Variants in NDUFA10 observed in about 807,000 individuals in gnomAD.
NDUFA10 encodes the protein NADH:ubiquinone oxidoreductase subunit A10, also known as NADH dehydrogenase [ubiquinone] 1 alpha subcomplex subunit 10, mitochondrial.
In NDUFA10, 40 loss-of-function variants were observed where a neutral mutation model predicts 47.8. The ratio of observed to expected loss-of-function variants is 0.84; its 90% confidence interval spans 0.65 to 1.09. The LOEUF is 1.09. Among genes scored for constraint, NDUFA10 ranks in the 50% least tolerant of loss-of-function variants. The pLI, the probability that NDUFA10 is intolerant of heterozygous loss-of-function variation, is 0.00. For synonymous variants in NDUFA10, 183 were observed against 172.2 expected, an observed-to-expected ratio of 1.06 and a Z score of -0.49; for missense variants, 413 against 451.1, an observed-to-expected ratio of 0.92 and a Z score of 0.76.
chr2:239,957,097 C>T (rs778200761), downstream of NDUFA10, among the ~76,000 whole-genome samples: 3 of 152,212 alleles, frequency 2.0e-5, no homozygotes, highest in Non-Finnish European at 4.4e-5. Flanking sequence ...GCTCAGACAC[C>T]CCCCTCCACT....
intron 4 of NDUFA10, chr2:240,017,903 A>G: frequency 6.4e-7 from 1 of 1,563,452 alleles, no homozygotes; most frequent in Non-Finnish European, 8.7e-7. Flanking sequence ...CAGCCACCCC[A>G]GTCTACAGAT....
At chr2:239,926,427 T>C (rs929101814) in intron 4 of NDUFA10, among the ~76,000 whole-genome samples, 2 of 152,236 alleles carry the variant, frequency 1.3e-5, no homozygotes, top group African/African-American at 4.8e-5. Flanking sequence ...GTAGCCAGCA[T>C]ATGTCATAGC....
At chr2:239,969,747 C>G in intron 9 of NDUFA10, 3 of 471,456 alleles carry the variant, frequency 6.4e-6, no homozygotes, top group South Asian at 4.6e-5. Flanking sequence ...CTCTTGGCTT[C>G]TGATTCTTGG....
At chr2:240,000,997 T>G (rs1696687158) in intron 8 of NDUFA10, among the ~76,000 whole-genome samples, 1 of 152,256 alleles carries the variant, frequency 6.6e-6, no homozygotes, top group African/African-American at 2.4e-5. Context: ...AAAGCAGTGC[T>G]AAGCCCTGTG....
chr2:239,979,879 G>A (rs1287111875), intron 9 of NDUFA10, among the ~76,000 whole-genome samples: 1 of 152,034 alleles, frequency 6.6e-6, no homozygotes, highest in African/African-American at 2.4e-5. Flanking sequence ...CCCTGCTCAA[G>A]CTCACCCCAC....
At chr2:239,990,243 T>G (rs992771043) in intron 8 of NDUFA10, 61 bp from the exon 9 acceptor site, 1 of 1,365,142 alleles carries the variant, frequency 7.3e-7, no homozygotes, top group Admixed American at 1.7e-5. Flanking sequence ...ATAAAAGAAG[T>G]GTAAGTCCGA....
chr2:239,952,164 G>C (rs530891350), intron 4 of NDUFA10, among the ~76,000 whole-genome samples: 2 of 152,202 alleles, frequency 1.3e-5, no homozygotes, highest in Non-Finnish European at 2.9e-5. Flanking sequence ...TCCTGGAATG[G>C]GGGCTTGGTG....
intron 4 of NDUFA10, among the ~76,000 whole-genome samples, chr2:239,950,121 C>T (rs66958587): frequency 0.41 from 62,941 of 152,024 alleles, 13,214 homozygotes; most frequent in Admixed American, 0.46. Context: ...AGTGGGCTCA[C>T]GAAGTGGTGG....
rs1252134538 is a variant in NDUFA10 at position 239,971,814 on chromosome 2, A to G, written c.1000-10628T>C. Among the ~76,000 whole-genome samples, 3 of 152,230 alleles carry G rather than the reference A, an allele frequency of 2.0e-5. No homozygotes were observed. The South Asian group carries it at 6.2e-4, about 32-fold the overall frequency. Reference sequence around the variant, plus strand: ...TGTGCTAACTCTTAAAAATAACACAATAAGCTCTTTCCTCAATCACATACT... The same window carrying G: ...TGTGCTAACTCTTAAAAATAACACAGTAAGCTCTTTCCTCAATCACATACT... On this transcript the variant is annotated intron_variant, in intron 9 of 9. Coordinates refer to ENST00000252711, the MANE Select transcript of NDUFA10 (RefSeq NM_004544.4).
At chr2:239,965,220 A>G (rs1366412180) in intron 9 of NDUFA10, among the ~76,000 whole-genome samples, 1 of 152,098 alleles carries the variant, frequency 6.6e-6, no homozygotes, top group East Asian at 1.9e-4. Flanking sequence ...CTTCTCAGGC[A>G]GCAGTTAACT....
intron 9 of NDUFA10, among the ~76,000 whole-genome samples, chr2:239,972,005 A>T (rs893050259): frequency 2.0e-5 from 3 of 152,026 alleles, no homozygotes; most frequent in African/African-American, 7.2e-5. Context: ...GATAAAGGTG[A>T]CTCCAATCTT....
chr2:239,941,084 C>A (rs566114892), intron 4 of NDUFA10, among the ~76,000 whole-genome samples: 12 of 152,312 alleles, frequency 7.9e-5, no homozygotes, highest in Admixed American at 2.6e-4. Flanking sequence ...CTACAAGGTG[C>A]AGAAACAGGC....
downstream of NDUFA10, chr2:239,957,329 A>G (rs1694681221): frequency 6.6e-6 from 1 of 152,228 alleles, no homozygotes; most frequent in South Asian, 2.1e-4. Context: ...ACAGCTTTTT[A>G]CAAATTAAAA....
At chr2:239,998,531 T>C (rs948561398) in intron 8 of NDUFA10, among the ~76,000 whole-genome samples, 1 of 127,830 alleles carries the variant, frequency 7.8e-6, no homozygotes, top group Non-Finnish European at 1.8e-5. Context: ...TGGCCCTTGG[T>C]TGGCTTCTGG....
intron 5 of NDUFA10, chr2:240,012,636 A>G (rs186784098): frequency 1.3e-5 from 2 of 152,384 alleles, no homozygotes; most frequent in Admixed American, 6.5e-5. Context: ...AAAATGGGTG[A>G]ATTTTATGGA....
chr2:239,991,936 G>A (rs993366782), intron 8 of NDUFA10, among the ~76,000 whole-genome samples: 4 of 152,002 alleles, frequency 2.6e-5, no homozygotes, highest in South Asian at 2.1e-4. Context: ...ATGTAGTCCC[G>A]GAAAATCTTT....
intron 4 of NDUFA10, among the ~76,000 whole-genome samples, chr2:239,930,024 T>G (rs1275813560): frequency 3.1e-5 from 1 of 31,962 alleles, no homozygotes. Flanking sequence ...CCTCCACCAG[T>G]CCTGCTCCTC....
intron 8 of NDUFA10, among the ~76,000 whole-genome samples, chr2:240,004,984 T>C (rs1696888485): frequency 6.6e-6 from 1 of 152,204 alleles, no homozygotes; most frequent in Non-Finnish European, 1.5e-5. Flanking sequence ...TGGAACGGTG[T>C]TGCACATAGT....
chr2:239,896,827 A>G (rs1049598791), intron 4 of NDUFA10, among the ~76,000 whole-genome samples: 1 of 152,206 alleles, frequency 6.6e-6, no homozygotes, highest in Non-Finnish European at 1.5e-5. Flanking sequence ...TGTATTTTAG[A>G]AAAAAACAGC....
Sources: gnomAD v4.1 joint callset for allele counts (sites outside exome capture counted in the v4.1 genomes callset) on GRCh38, gnomAD v4.1.1 for gene constraint, MANE v1.5 for transcripts, NCBI Gene and HGNC (gene_info 2026-07-23, HGNC 2026-07-21) for gene names.